Variants in LRRIQ1 observed in about 807,000 individuals in gnomAD.
LRRIQ1 encodes leucine rich repeats and IQ motif containing 1, also known as leucine-rich repeat- and IQ domain-containing protein 1.
Under a neutral mutation model 211.9 loss-of-function variants are expected in LRRIQ1, and 210 were observed. The ratio of observed to expected loss-of-function variants is 0.99; its 90% confidence interval spans 0.89 to 1.11. The LOEUF (loss-of-function observed/expected upper bound fraction) is 1.11, where lower values mean the gene tolerates loss of function less well. Among genes scored for constraint, LRRIQ1 ranks in the 50% most tolerant of loss-of-function variants. The pLI is 0.00. For missense variants in LRRIQ1, 2,136 were observed against 1,939.5 expected, an observed-to-expected ratio of 1.10 and a Z score of -1.90; for synonymous variants, 699 against 650.1, an observed-to-expected ratio of 1.08 and a Z score of -1.14.
At chr12:85,234,717 A>G (rs1381198609) in intron 26 of LRRIQ1, among the ~76,000 whole-genome samples, 1 of 152,194 alleles carries the variant, frequency 6.6e-6, no homozygotes, top group Non-Finnish European at 1.5e-5. Flanking sequence ...AGAAAAAACC[A>G]CTGCAACTGT....
rs373264911 is a variant in LRRIQ1 at position 85,128,015 on chromosome 12, G to C, written c.4191G>C (p.Lys1397Asn). ...NIVNIRKQRE[K>N]AAILIQAVWK... The stretch of plus-strand genomic sequence containing the variant: ...TGAATATCCGAAAACAGAGGGAGAA[G>C]GCTGCTATTCTTATTCAGGTTAATT... Residue 1397 changes from lysine (K) to asparagine (N), a missense_variant, in exon 18 of 27, where the codon AAG (lysine) becomes AAC (asparagine). Physicochemically the swap from Lys to Asn is moderately conservative, Grantham distance 94. Coordinates refer to ENST00000393217, the MANE Select transcript of LRRIQ1 (RefSeq NM_001079910.2). 1 of 1,609,412 alleles carries C rather than the reference G, an allele frequency of 6.2e-7. No homozygotes were observed. The highest frequency in any genetic ancestry group is 8.5e-7 in the Non-Finnish European group (1 of 1,175,956).
In LRRIQ1 at chr12:85,205,463, G is replaced by A. The variant is rs368520292; in HGVS notation, c.4823-24054G>A. ...CTGGCTTGTAGGGTTTCTCCTGAAA[G>A]GTCTGCTGTTAGCCTGATAGATTTC... On this transcript the variant is annotated intron_variant, in intron 24 of 26. Transcript: ENST00000393217. Among the ~76,000 whole-genome samples, 12 of 152,220 alleles carry A rather than the reference G, an allele frequency of 7.9e-5. No homozygotes were observed. The South Asian group carries it at 1.9e-3, about 24-fold the overall frequency.
intron 21 of LRRIQ1, 134 bp downstream of exon 21, chr12:85,153,279 A>G (rs1022992384): frequency 1.5e-5 from 14 of 939,758 alleles, no homozygotes; most frequent in African/African-American, 5.2e-5. Context: ...TGTTAAAAAC[A>G]TCATGGTCAT....
rs551312778 is a variant in LRRIQ1 at position 85,165,676 on chromosome 12, T to A, written c.4822+4962T>A. 3.9e-5 allele frequency among the ~76,000 whole-genome samples: 6 copies of A among 152,148 alleles called. No homozygotes were observed. The South Asian group carries it at 1.2e-3, about 32-fold the overall frequency. On this transcript the variant is annotated intron_variant, in intron 24 of 26. Coordinates refer to ENST00000393217, the MANE Select transcript of LRRIQ1 (RefSeq NM_001079910.2). ...TTTTAGTAGAGACGGGGTTTCACCG[T>A]GTTGCCCAGGTTGGTCTCCTGAGCT...
chr12:85,105,762 T>C (rs1040533680), intron 14 of LRRIQ1, among the ~76,000 whole-genome samples: 3 of 151,386 alleles, frequency 2.0e-5, no homozygotes, highest in Non-Finnish European at 4.4e-5. Flanking sequence ...TTTATTCTAT[T>C]TTAGGACAGG....
intron 8 of LRRIQ1, 120 bp from the exon 9 acceptor site, chr12:85,065,142 T>G (rs1476938925): frequency 1.3e-6 from 1 of 789,194 alleles, no homozygotes; most frequent in Non-Finnish European, 1.9e-6. Flanking sequence ...AAATGTAGGC[T>G]TCAACATATA....
chr12:85,250,638 G>A (rs1895879991), intron 1 of LRRIQ1, among the ~76,000 whole-genome samples: 1 of 149,284 alleles, frequency 6.7e-6, no homozygotes, highest in African/African-American at 2.5e-5. Flanking sequence ...TACTCAGGAA[G>A]CTGAGGTAGG....
chr12:85,219,121 A>G (rs914289062), intron 24 of LRRIQ1, among the ~76,000 whole-genome samples: 2 of 152,112 alleles, frequency 1.3e-5, no homozygotes, highest in African/African-American at 2.4e-5. Flanking sequence ...TGTATATATG[A>G]CTTAAGCAAC....
intron 14 of LRRIQ1, 50 bp from the exon 15 acceptor site, chr12:85,106,467 GATATT>G: frequency 8.2e-7 from 1 of 1,221,568 alleles, no homozygotes; most frequent in African/African-American, 1.5e-5. Flanking sequence ...ATAGATTTAT[GATATT>G]TGTTCTAAAT....
rs201797900 is a variant in LRRIQ1 at position 85,072,950 on chromosome 12, G to A, written c.2739G>A (p.Gly913=). The change falls in exon 11 of 27, where the codon GGG becomes GGA. Residue 913 remains glycine, a synonymous_variant. Transcript: ENST00000393217. ...AAGAAAAACTTGTTGACAATGCAGG[G>A]TTCTGCCATCACTTGGGCACCTCCA... ...FLEEKLVDNA[G]FCHHLGTSTS... is the part of the protein sequence containing the mutation. 25 of 1,612,070 alleles carry A rather than the reference G, an allele frequency of 1.6e-5. No homozygotes were observed. The African/African-American group carries it at 2.5e-4, about 16-fold the overall frequency.
At chr12:85,176,523 A>G (rs990521126) in intron 24 of LRRIQ1, among the ~76,000 whole-genome samples, 28 of 143,842 alleles carry the variant, frequency 1.9e-4, no homozygotes, top group African/African-American at 2.1e-4. Flanking sequence ...ATTCTCACTC[A>G]TAGGTGGGAA....
chr12:85,131,284 C>G (rs1435174362), intron 18 of LRRIQ1, among the ~76,000 whole-genome samples: 1 of 151,790 alleles, frequency 6.6e-6, no homozygotes, highest in Non-Finnish European at 1.5e-5. Context: ...AAATCTCCCA[C>G]AGACACTCCT....
chr12:85,047,561 A>G lies in LRRIQ1; in HGVS notation c.678+91A>G, dbSNP rs1193979033. On this transcript the variant is annotated intron_variant, in intron 6 of 26. Transcript: ENST00000393217. ...TGGATTGTGTTGCAGATTGAGCTTA[A>G]TAGTATGACTTTTAATTACTCTCTG... is the stretch of plus-strand genomic sequence containing the variant. 2.8e-6 allele frequency: 3 copies of G among 1,072,314 alleles called. No individual in the cohort carries two copies. In the African/African-American group the frequency reaches 4.8e-5, roughly 17 times the overall value. The allele number at this position is 1,072,314 out of a possible 1,614,324, so 66.4% of individuals were successfully genotyped here. A position where few individuals can be genotyped will look rare whatever the true frequency, so the allele number is the denominator to read the frequency against.
At chr12:85,197,846 T>TTTAATATATA (rs1186353759) in intron 24 of LRRIQ1, among the ~76,000 whole-genome samples, 1 of 136,146 alleles carries the variant, frequency 7.3e-6, no homozygotes, top group Admixed American at 8.2e-5. Context: ...AAATATTATA[T>TTTAATATATA]TTATTATAAA....
At chr12:85,074,564 T>C (rs941295099) in intron 11 of LRRIQ1, among the ~76,000 whole-genome samples, 3 of 151,884 alleles carry the variant, frequency 2.0e-5, no homozygotes, top group African/African-American at 7.2e-5. Flanking sequence ...TATATATATA[T>C]ACATTAAGCA....
intron 7 of LRRIQ1, among the ~76,000 whole-genome samples, chr12:85,055,293 A>G (rs555208419): frequency 6.6e-6 from 1 of 152,026 alleles, no homozygotes; most frequent in Admixed American, 6.5e-5. Context: ...CTTCAAGGAA[A>G]TCTTCAATTC....
intron 3 of LRRIQ1, among the ~76,000 whole-genome samples, chr12:85,042,451 ATT>A (rs1879005210): frequency 6.7e-6 from 1 of 148,180 alleles, no homozygotes; most frequent in Non-Finnish European, 1.5e-5. Flanking sequence ...AATTTATTAA[ATT>A]AAAATAATTG....
downstream of LRRIQ1, among the ~76,000 whole-genome samples, chr12:85,266,438 T>C (rs1896422089): frequency 6.6e-6 from 1 of 152,144 alleles, no homozygotes; most frequent in South Asian, 2.1e-4. Flanking sequence ...CATATGATTA[T>C]GTTTTATGTG....
chr12:85,182,572 T>C (rs550184420), intron 24 of LRRIQ1, among the ~76,000 whole-genome samples: 40 of 152,162 alleles, frequency 2.6e-4, no homozygotes, highest in Non-Finnish European at 4.7e-4. Context: ...TAAAAAATTA[T>C]ATCATAAAAG....
Sources: gnomAD v4.1 joint callset for allele counts (sites outside exome capture counted in the v4.1 genomes callset) on GRCh38, gnomAD v4.1.1 for gene constraint, MANE v1.5 for transcripts, NCBI Gene and HGNC (gene_info 2026-07-23, HGNC 2026-07-21) for gene names.